NUDT7: variants seen among roughly 807,000 people sequenced by gnomAD.
NUDT7 encodes peroxisomal coenzyme A diphosphatase NUDT7.
Under a neutral mutation model 13.1 loss-of-function variants are expected in NUDT7, and 19 were observed. The ratio of observed to expected loss-of-function variants is 1.45; its 90% CI spans 1.01 to 2.13. The LOEUF (loss-of-function observed/expected upper bound fraction) is 2.13. Among genes scored for constraint, NUDT7 ranks in the 30% most tolerant of loss-of-function variants. The pLI, the probability that NUDT7 is intolerant of heterozygous loss-of-function variation, is 0.00. For synonymous variants in NUDT7, 132 were observed against 109.7 expected (o/e 1.20, Z -1.27); for missense variants, 360 against 291.7 (o/e 1.23, Z -1.71).
rs374309266 is a variant in NUDT7 at position 77,735,615 on chromosome 16, T to A, written c.190-213T>A. The A allele has an allele frequency of 1.0e-5, 6 of 590,676 alleles. No homozygotes were observed. In the African/African-American group the frequency reaches 1.1e-4, roughly 11 times the overall value. The allele number at this position is 590,676 out of a possible 1,614,324, so 36.6% of individuals were successfully genotyped here. A position where few individuals can be genotyped will look rare whatever the true frequency, so the allele number is the denominator to read the frequency against. ...GTGTGTGGTATCTTTTGGGGACAAATAGAATAAAAGTTAGCAGTGAGAAAA... is the reference window on the plus strand; with the variant it reads ...GTGTGTGGTATCTTTTGGGGACAAAAAGAATAAAAGTTAGCAGTGAGAAAA... On this transcript the variant is annotated intron_variant, in intron 2 of 3. Coordinates refer to ENST00000268533, the MANE Select transcript of NUDT7 (RefSeq NM_001105663.3).
At chr16:77,733,700 G>A (rs1046936089) in intron 2 of NUDT7, among the ~76,000 whole-genome samples, 1 of 152,094 alleles carries the variant, frequency 6.6e-6, no homozygotes, top group East Asian at 1.9e-4. Context: ...CCGTGCATCC[G>A]CTCCATCCTC....
intron 3 of NUDT7, 65 bp downstream of exon 3, chr16:77,736,051 G>A (rs1192223797): frequency 6.8e-7 from 1 of 1,466,368 alleles, no homozygotes; most frequent in Non-Finnish European, 9.5e-7. Context: ...CTGTTCTCAG[G>A]ATTCCACATT....
intron 3 of NUDT7, chr16:77,736,634 A>T (rs941678398): frequency 9.3e-6 from 2 of 215,806 alleles, no homozygotes; most frequent in East Asian, 1.2e-4. Context: ...TTTCTTTTTT[A>T]TTTTTTTTTT....
intron 1 of NUDT7, among the ~76,000 whole-genome samples, chr16:77,723,180 C>T (rs1450970572): frequency 6.6e-6 from 1 of 152,186 alleles, no homozygotes; most frequent in Non-Finnish European, 1.5e-5. Flanking sequence ...GTTTTTGCAG[C>T]CTTTTACTTT....
intron 1 of NUDT7, 45 bp from the exon 2 acceptor site, chr16:77,725,386 T>C: frequency 6.4e-7 from 1 of 1,570,688 alleles, no homozygotes; most frequent in South Asian, 1.2e-5. Flanking sequence ...CTTTTTACCA[T>C]AACTCTGCTT....
intron 3 of NUDT7, among the ~76,000 whole-genome samples, chr16:77,740,519 T>A (rs1160981717): frequency 1.3e-5 from 2 of 152,146 alleles, no homozygotes; most frequent in Admixed American, 6.6e-5. Flanking sequence ...ACAACACTCA[T>A]GTTCATTTGC....
At chr16:77,736,060 T>C (rs2014475924) in intron 3 of NUDT7, 74 bp downstream of exon 3, 1 of 1,387,040 alleles carries the variant, frequency 7.2e-7, no homozygotes, top group South Asian at 1.2e-5. Flanking sequence ...GGATTCCACA[T>C]TTTCCAAACA....
At chr16:77,725,610 C>T in intron 2 of NUDT7, 26 bp downstream of exon 2, 1 of 1,609,574 alleles carries the variant, frequency 6.2e-7, no homozygotes, top group Non-Finnish European at 8.5e-7. Context: ...ATTTCCTGCC[C>T]TTAAACCTCA....
intron 2 of NUDT7, among the ~76,000 whole-genome samples, chr16:77,731,152 C>G (rs931737154): frequency 3.3e-5 from 5 of 151,892 alleles, no homozygotes; most frequent in Admixed American, 2.0e-4. Flanking sequence ...AAATCATTGC[C>G]CAGCTCAAGG....
intron 2 of NUDT7, among the ~76,000 whole-genome samples, chr16:77,732,624 A>G (rs1762388026): frequency 6.6e-6 from 1 of 152,242 alleles, no homozygotes; most frequent in South Asian, 2.1e-4. Context: ...CCAGGACAGT[A>G]AAATGGTATA....
intron 2 of NUDT7, 88 bp from the exon 3 acceptor site, chr16:77,735,740 A>G: frequency 8.0e-7 from 1 of 1,245,210 alleles, no homozygotes; most frequent in Non-Finnish European, 1.1e-6. Flanking sequence ...CTCTGGTACA[A>G]AATAGAAGTC....
At chr16:77,736,627 C>CT in intron 3 of NUDT7, 3 of 230,698 alleles carry the variant, frequency 1.3e-5, no homozygotes, top group South Asian at 4.8e-5. Flanking sequence ...ATCTTATTTT[C>CT]TTTTTTATTT....
chr16:77,742,004 T>A lies in NUDT7; in HGVS notation c.*54T>A. ...TCACGAGGATTCTGTGTGTGCTTAT[T>A]CGTAGAACAACAACAATGCCAGCTG... On this transcript the variant is annotated 3_prime_UTR_variant, in exon 4 of 4. Coordinates refer to ENST00000268533, the MANE Select transcript of NUDT7 (RefSeq NM_001105663.3). 6.6e-7 allele frequency: 1 copy of A among 1,509,602 alleles called. No individual in the cohort carries two copies. The highest frequency in any genetic ancestry group is 1.4e-5 in the African/African-American group (1 of 71,932). 93.5% of individuals were successfully genotyped at this position (1,509,602 alleles called of 1,614,324 possible). A position where few individuals can be genotyped will look rare whatever the true frequency, so the allele number is the denominator to read the frequency against.
At chr16:77,722,713 G>A in intron 1 of NUDT7, 96 bp downstream of exon 1, 3 of 1,223,720 alleles carry the variant, frequency 2.5e-6, no homozygotes, top group Non-Finnish European at 3.5e-6. Flanking sequence ...GACTGATTTT[G>A]CAGCTCCCGC....
At chr16:77,725,741 G>C in intron 2 of NUDT7, 157 bp downstream of exon 2, 1 of 617,230 alleles carries the variant, frequency 1.6e-6, no homozygotes, top group Non-Finnish European at 2.8e-6. Context: ...GGATAACATG[G>C]TGTTTCTTGG....
chr16:77,725,309 C>A, intron 1 of NUDT7, 122 bp from the exon 2 acceptor site: 1 of 795,888 alleles, frequency 1.3e-6, no homozygotes, highest in Non-Finnish European at 1.9e-6. Context: ...TTGAAAAATA[C>A]ACAGAGAGTC....
In NUDT7 at chr16:77,741,800, G is replaced by C. The variant is rs750579862; in HGVS notation, c.567G>C (p.Lys189Asn). 5.6e-6 allele frequency: 9 copies of C among 1,614,100 alleles called. No homozygotes were observed. The highest frequency in any genetic ancestry group is 7.6e-6 in the Non-Finnish European group (9 of 1,180,028). The change falls in exon 4 of 4, where the codon AAG (lysine) becomes AAC (asparagine). Residue 189 changes from lysine (K) to asparagine (N), a missense_variant. By Grantham distance (94) the Lys-to-Asn change is moderately conservative. Transcript: ENST00000268533. ...NPEDGVTYQI[K>N]GMTANLAVLV... ...AAGACGGTGTCACTTACCAGATCAA[G>C]GGAATGACGGCAAACCTTGCAGTGT...
chr16:77,740,718 G>C (rs2014631150), intron 3 of NUDT7, among the ~76,000 whole-genome samples: 1 of 151,304 alleles, frequency 6.6e-6, no homozygotes, highest in Non-Finnish European at 1.5e-5. Context: ...CGGCTAATTT[G>C]TGTATTTTTA....
Position 77,741,591 on chromosome 16 carries a change from T to C in NUDT7, c.358T>C (p.Leu120=), listed in dbSNP as rs374770134. ...LVPCLIDTDT[L]ITPFVGLIDH... is the part of the protein sequence containing the mutation. ...TGTTTTCTGCTTTTAGACAGATACA[T>C]TGATAACTCCATTTGTGGGTTTAAT... Residue 120 remains leucine (L), a synonymous_variant, in exon 4 of 4, where the codon TTG becomes CTG. Transcript: ENST00000268533. The C allele has an allele frequency of 5.9e-5, 94 of 1,605,432 alleles. 1 individual carries two copies. Among genetic ancestry groups the C allele is most frequent in the Non-Finnish European group, 7.6e-5 (89 of 1,177,476 alleles).
Sources: allele counts gnomAD v4.1 joint callset (sites outside exome capture counted in the v4.1 genomes callset), GRCh38; gene constraint gnomAD v4.1.1; transcripts MANE v1.5; gene names NCBI Gene and HGNC (gene_info 2026-07-23, HGNC 2026-07-21).